Variants in TTC27 observed in about 807,000 individuals in gnomAD.
TTC27 encodes the protein tetratricopeptide repeat domain 27, also known as tetratricopeptide repeat protein 27.
TTC27 carries 79 observed loss-of-function variants against 115.9 expected under a neutral mutation model. That is an observed-to-expected ratio of 0.68 (90% CI 0.57 to 0.82). The LOEUF (loss-of-function observed/expected upper bound fraction) is 0.82, where lower values mean the gene tolerates loss of function less well. Among genes scored for constraint, TTC27 ranks in the 40% least tolerant of loss-of-function variants. The pLI is 0.00. For missense variants in TTC27, 1,054 were observed against 993.1 expected, an observed-to-expected ratio of 1.06 and a Z score of -0.82; for synonymous variants, 401 against 356.0, an observed-to-expected ratio of 1.13 and a Z score of -1.42.
intron 5 of TTC27, among the ~76,000 whole-genome samples, 177 bp downstream of exon 5, chr2:32,650,410 T>C (rs1479951183): frequency 6.6e-6 from 1 of 150,952 alleles, no homozygotes; most frequent in African/African-American, 2.4e-5. Context: ...GTTGTCAGAT[T>C]ATAGAGTTCC....
At chr2:32,650,043 T>C in intron 4 of TTC27, 88 bp from the exon 5 acceptor site, 2 of 1,071,064 alleles carry the variant, frequency 1.9e-6, no homozygotes, top group Non-Finnish European at 1.4e-6. Context: ...ATTTTATGAA[T>C]GTAAAAAAAT....
At chr2:32,761,715 A>G (rs1572588012) in intron 13 of TTC27, among the ~76,000 whole-genome samples, 1 of 152,186 alleles carries the variant, frequency 6.6e-6, no homozygotes, top group East Asian at 1.9e-4. Context: ...TGATCATTCT[A>G]TTTAAAATCA....
chr2:32,781,048 G>T (rs528840890), intron 14 of TTC27, among the ~76,000 whole-genome samples: 2 of 152,226 alleles, frequency 1.3e-5, no homozygotes, highest in East Asian at 1.9e-4. Flanking sequence ...AAATTCATTG[G>T]CACTTACAGT....
intron 16 of TTC27, among the ~76,000 whole-genome samples, chr2:32,799,547 A>G (rs544791255): frequency 1.3e-5 from 2 of 152,330 alleles, no homozygotes; most frequent in South Asian, 4.1e-4. Flanking sequence ...AAAAATTAGG[A>G]ATAGGGAATG....
chr2:32,781,000 T>G (rs1317284222), intron 14 of TTC27, among the ~76,000 whole-genome samples: 1 of 152,186 alleles, frequency 6.6e-6, no homozygotes, highest in African/African-American at 2.4e-5. Flanking sequence ...GGTTAGAAGT[T>G]TTATTAAAAG....
chr2:32,792,388 A>G lies in TTC27; in HGVS notation c.1998+5239A>G, dbSNP rs1670565156. ...CTGAGGCTCAGCAAAGTGAATTAAT[A>G]AGGTTGATTTCTTATAGCTAGCGAG... On this transcript the variant is annotated intron_variant, in intron 16 of 19. Coordinates refer to ENST00000317907, the MANE Select transcript of TTC27 (RefSeq NM_017735.5). Among the ~76,000 whole-genome samples the G allele has an allele frequency of 2.0e-5, 3 of 152,316 alleles. No individual in the cohort carries two copies. The South Asian group carries it at 6.2e-4, about 32-fold the overall frequency.
At position 32,781,612 on chromosome 2, in the gene TTC27, TA is replaced by T. The variant is rs879620311; in HGVS notation, c.1780-1003del. ...TTGTCCTTATTTTCTCATAACTCTTTAAAAAAAAAAATCAATGGAGATGGAG... is the reference window on the plus strand; with the variant it reads ...TTGTCCTTATTTTCTCATAACTCTTTAAAAAAAAAATCAATGGAGATGGAG... On this transcript the variant is annotated intron_variant, in intron 14 of 19. Coordinates refer to ENST00000317907, the MANE Select transcript of TTC27 (RefSeq NM_017735.5). 2.2e-3 allele frequency among the ~76,000 whole-genome samples: 320 copies of T among 148,018 alleles called. 2 individuals carry two copies. The highest frequency in any genetic ancestry group is 7.2e-3 in the African/African-American group (291 of 40,536).
chr2:32,759,369 G>C (rs575683469), intron 13 of TTC27, among the ~76,000 whole-genome samples: 1 of 152,062 alleles, frequency 6.6e-6, no homozygotes, highest in East Asian at 1.9e-4. Context: ...GCTAGTATTC[G>C]AATCCAGATG....
At chr2:32,640,436 T>C (rs1164668664) in intron 4 of TTC27, 26 bp downstream of exon 4, 3 of 1,609,406 alleles carry the variant, frequency 1.9e-6, no homozygotes, top group African/African-American at 1.3e-5. Context: ...ATGAGATTCA[T>C]ACCCTGGTAT....
intron 9 of TTC27, among the ~76,000 whole-genome samples, chr2:32,689,620 G>T (rs577289303): frequency 3.2e-4 from 49 of 152,214 alleles, no homozygotes; most frequent in African/African-American, 1.1e-3. Context: ...AAGTTAATGG[G>T]GGGAATATAC....
chr2:32,754,873 G>T (rs1255414001), intron 12 of TTC27, among the ~76,000 whole-genome samples: 1 of 150,126 alleles, frequency 6.7e-6, no homozygotes, highest in Non-Finnish European at 1.5e-5. Context: ...CAGGCGGGGG[G>T]GCTGACCCCC....
intron 5 of TTC27, among the ~76,000 whole-genome samples, chr2:32,651,326 G>A (rs58092595): frequency 0.013 from 2,020 of 152,244 alleles, 48 homozygotes; most frequent in African/African-American, 0.047. Context: ...AGGGGCTCTT[G>A]TACCTTTTGG....
chr2:32,673,180 A>T (rs909574795), intron 8 of TTC27, among the ~76,000 whole-genome samples: 2 of 143,016 alleles, frequency 1.4e-5, no homozygotes, highest in Admixed American at 6.9e-5. Flanking sequence ...CTTCAATTTG[A>T]GTTTGTCTGA....
chr2:32,647,397 T>C (rs77519832), intron 4 of TTC27, among the ~76,000 whole-genome samples: 5,627 of 152,306 alleles, frequency 0.037, 158 homozygotes, highest in Middle Eastern at 0.12. Flanking sequence ...GACTTCATGC[T>C]ATAGTGATAG....
rs776523791 is a variant in TTC27 at position 32,630,670 on chromosome 2, A to G, written c.236A>G (p.Asp79Gly). Residue 79 changes from aspartate to glycine, a missense_variant, in exon 2 of 20, where the codon GAT becomes GGT. Physicochemically the swap from Asp to Gly is moderately conservative, Grantham distance 94 (BLOSUM62 -1). Transcript: ENST00000317907. ...GAGAAGCAGGTAGTAACATTCCTGG[A>G]TTACTCAACAGATTTGGACACAACG... ...YLEKQVVTFL[D>G]YSTDLDTTER... 1.9e-6 allele frequency: 3 copies of G among 1,612,350 alleles called. No individual in the cohort carries two copies. Among genetic ancestry groups the G allele is most frequent in the Non-Finnish European group, 2.5e-6 (3 of 1,179,520 alleles).
At chr2:32,815,458 C>G (rs1572638585) in intron 18 of TTC27, among the ~76,000 whole-genome samples, 1 of 151,802 alleles carries the variant, frequency 6.6e-6, no homozygotes, top group Non-Finnish European at 1.5e-5. Flanking sequence ...AGAATGGTCT[C>G]AATCTCCTTA....
At chr2:32,789,711 G>T (rs1670464379) in intron 16 of TTC27, among the ~76,000 whole-genome samples, 1 of 151,892 alleles carries the variant, frequency 6.6e-6, no homozygotes, top group South Asian at 2.1e-4. Context: ...CTTGAGCCCA[G>T]GGGTTTGAGA....
chr2:32,817,698 G>C (rs370878416), intron 19 of TTC27, 141 bp downstream of exon 19: 1 of 742,570 alleles, frequency 1.3e-6, no homozygotes, highest in East Asian at 2.7e-5. Flanking sequence ...CCTCATGGTT[G>C]GTTGTGTTGT....
In TTC27 at chr2:32,664,421, G is replaced by A. The variant is rs1271900777; in HGVS notation, c.759G>A (p.Gln253=). 6 of 1,611,878 alleles carry A rather than the reference G, an allele frequency of 3.7e-6. No homozygotes were observed. The highest frequency in any genetic ancestry group is 5.1e-6 in the Non-Finnish European group (6 of 1,179,424). ...YYYEYRKAKD[Q]LDIAKDISQL... Reference sequence around the variant, plus strand: ...ATGAGTACAGAAAAGCAAAAGATCAGTTGGATATTGCTAAGGACATCAGCC... The same window carrying A: ...ATGAGTACAGAAAAGCAAAAGATCAATTGGATATTGCTAAGGACATCAGCC... The change falls in exon 6 of 20, where the codon CAG becomes CAA. Residue 253 remains glutamine, a synonymous_variant. Coordinates refer to ENST00000317907, the MANE Select transcript of TTC27 (RefSeq NM_017735.5).
Sources: gnomAD v4.1 joint callset for allele counts (sites outside exome capture counted in the v4.1 genomes callset) on GRCh38, gnomAD v4.1.1 for gene constraint, MANE v1.5 for transcripts, NCBI Gene and HGNC (gene_info 2026-07-23, HGNC 2026-07-21) for gene names.